Variants in ANK1 observed in about 807,000 individuals in gnomAD.
ANK1 encodes the protein ankyrin-1.
A neutral mutation model predicts 210.4 loss-of-function variants in ANK1; 51 were observed. The observed-to-expected ratio is 0.24, with a 90% CI of 0.19 to 0.31. The LOEUF (loss-of-function observed/expected upper bound fraction) is 0.31. Ranked by LOEUF, ANK1 falls within the 10% of genes least tolerant of loss-of-function variation. The probability of loss-of-function intolerance (pLI) is 1.00; values close to 1 mark genes in which losing one functional copy is unlikely to be tolerated. For synonymous variants in ANK1, 967 were observed against 1,025.9 expected, an observed-to-expected ratio of 0.94 and a Z score of 1.10; for missense variants, 2,051 against 2,504.4, an observed-to-expected ratio of 0.82 and a Z score of 3.86.
At chr8:41,838,508 G>A (rs1587336445) in intron 1 of ANK1, among the ~76,000 whole-genome samples, 1 of 152,336 alleles carries the variant, frequency 6.6e-6, no homozygotes, top group Non-Finnish European at 1.5e-5. Context: ...GCTCACGTCT[G>A]TAATTGCAGC....
intron 2 of ANK1, among the ~76,000 whole-genome samples, chr8:41,745,445 A>C (rs1835870489): frequency 6.6e-6 from 1 of 152,224 alleles, no homozygotes; most frequent in African/African-American, 2.4e-5. Context: ...GGGCGTAGAT[A>C]ATGCAGACAC....
intron 1 of ANK1, among the ~76,000 whole-genome samples, chr8:41,884,216 C>T (rs570351810): frequency 7.2e-4 from 110 of 152,196 alleles, no homozygotes; most frequent in African/African-American, 2.6e-3. Context: ...GGCATGGTGG[C>T]ATGTGCCTGT....
chr8:41,886,113 GTCT>G (rs1818396650), intron 1 of ANK1, among the ~76,000 whole-genome samples: 1 of 152,194 alleles, frequency 6.6e-6, no homozygotes, highest in Non-Finnish European at 1.5e-5. Flanking sequence ...CATTTTTTAA[GTCT>G]TCATCTATTT....
At chr8:41,723,447 A>G in intron 8 of ANK1, 88 bp downstream of exon 8, 5 of 1,466,526 alleles carry the variant, frequency 3.4e-6, no homozygotes, top group South Asian at 1.1e-5. Flanking sequence ...ATCCCTAACT[A>G]GGTCACCAAG....
At chr8:41,891,145 G>A (rs1587650242) in intron 1 of ANK1, among the ~76,000 whole-genome samples, 1 of 152,166 alleles carries the variant, frequency 6.6e-6, no homozygotes, top group East Asian at 1.9e-4. Context: ...TCAATAACAG[G>A]ATCACCTATT....
chr8:41,734,827 C>T (rs1833042256), intron 2 of ANK1, among the ~76,000 whole-genome samples: 1 of 151,938 alleles, frequency 6.6e-6, no homozygotes, highest in Admixed American at 6.6e-5. Flanking sequence ...CACCTGAGCC[C>T]AGGAGTTTGA....
rs182428196 is a variant in ANK1 at position 41,743,545 on chromosome 8, G to A, written c.130-9476C>T. Among the ~76,000 whole-genome samples the A allele has an allele frequency of 3.7e-3, 569 of 152,286 alleles. 2 individuals carry two copies. Among genetic ancestry groups the A allele is most frequent in the Non-Finnish European group, 6.6e-3 (447 of 68,034 alleles). On this transcript the variant is annotated intron_variant, in intron 2 of 42. Coordinates refer to ENST00000289734, the MANE Select transcript of ANK1 (RefSeq NM_000037.4). ...CCCAGCTGGAGATGTCGGCCTTAGA[G>A]GGCAGTGAACAGGGAGGTGCCCTGC...
intron 1 of ANK1, among the ~76,000 whole-genome samples, chr8:41,765,349 C>T (rs1284249297): frequency 6.6e-6 from 1 of 151,884 alleles, no homozygotes; most frequent in African/African-American, 2.4e-5. Flanking sequence ...AGAGATCCTC[C>T]TGCGTCAACA....
At chr8:41,773,962 AAG>A (rs1313276740) in intron 1 of ANK1, among the ~76,000 whole-genome samples, 3 of 152,240 alleles carry the variant, frequency 2.0e-5, no homozygotes, top group Non-Finnish European at 4.4e-5. Context: ...TAACCAGATG[AAG>A]CGAACAGAAT....
intron 1 of ANK1, among the ~76,000 whole-genome samples, chr8:41,761,439 A>C (rs1488680215): frequency 1.3e-5 from 2 of 152,344 alleles, no homozygotes; most frequent in African/African-American, 4.8e-5. Context: ...ATGTGAAGAC[A>C]GAGCCAGAGA....
At chr8:41,864,163 T>A (rs894585309) in intron 1 of ANK1, among the ~76,000 whole-genome samples, 54 of 146,470 alleles carry the variant, frequency 3.7e-4, no homozygotes, top group Non-Finnish European at 4.0e-4. Flanking sequence ...GGCAGAAGAA[T>A]GGCATGAACC....
intron 37 of ANK1, among the ~76,000 whole-genome samples, chr8:41,676,226 C>T (rs935223924): frequency 9.9e-5 from 15 of 152,272 alleles, no homozygotes; most frequent in Non-Finnish European, 2.1e-4. Flanking sequence ...AGTTCCAGTT[C>T]CCCCATATCC....
At chr8:41,658,327 T>C (rs1334834143) in intron 42 of ANK1, among the ~76,000 whole-genome samples, 2 of 152,250 alleles carry the variant, frequency 1.3e-5, no homozygotes, top group Non-Finnish European at 2.9e-5. Context: ...CTGCAATTGT[T>C]TGAGTCCCAG....
intron 1 of ANK1, among the ~76,000 whole-genome samples, chr8:41,860,567 C>T (rs550640602): frequency 6.6e-6 from 1 of 152,194 alleles, no homozygotes; most frequent in Non-Finnish European, 1.5e-5. Flanking sequence ...TACTTAACCT[C>T]TCTGAACCTC....
At chr8:41,886,051 C>T (rs1458833179) in intron 1 of ANK1, among the ~76,000 whole-genome samples, 2 of 152,186 alleles carry the variant, frequency 1.3e-5, no homozygotes, top group Non-Finnish European at 2.9e-5. Flanking sequence ...TGGGACAGGA[C>T]GTTCATCTTT....
intron 1 of ANK1, among the ~76,000 whole-genome samples, chr8:41,787,064 A>G (rs1201554124): frequency 2.6e-5 from 4 of 152,146 alleles, no homozygotes; most frequent in African/African-American, 9.7e-5. Context: ...AGACGTCCCA[A>G]AGCACAGAGG....
Position 41,672,676 on chromosome 8 carries a change from C to T in ANK1, c.4774G>A (p.Asp1592Asn), listed in dbSNP as rs1457291305. ...CACTCGTGACCTGTGGCATCAGAGT[C>T]CTCAGCCTTGCTACACTCCAGAGAG... Reference protein sequence around the residue: ...DSSLECSKAEDSDATGHEWKL... With the variant: ...DSSLECSKAENSDATGHEWKL... Residue 1592 changes from aspartate (D) to asparagine (N), a missense_variant, in exon 38 of 43, where the codon GAC becomes AAC. Transcript: ENST00000289734. 2.0e-5 allele frequency: 32 copies of T among 1,614,074 alleles called. No homozygotes were observed. Among genetic ancestry groups the T allele is most frequent in the Non-Finnish European group, 2.5e-5 (30 of 1,180,020 alleles).
At chr8:41,678,129 A>G (rs1036986162) in intron 37 of ANK1, among the ~76,000 whole-genome samples, 2 of 151,498 alleles carry the variant, frequency 1.3e-5, no homozygotes, top group Admixed American at 6.6e-5. Context: ...GTTTCTGTCC[A>G]TATTTCTTTT....
chr8:41,712,073 C>T (rs867275559), intron 16 of ANK1, among the ~76,000 whole-genome samples: 5 of 152,038 alleles, frequency 3.3e-5, no homozygotes, highest in African/African-American at 4.8e-5. Flanking sequence ...TACAGGTGCA[C>T]GCTGCCATGC....
Sources: allele counts gnomAD v4.1 joint callset (sites outside exome capture counted in the v4.1 genomes callset), GRCh38; gene constraint gnomAD v4.1.1; transcripts MANE v1.5; gene names NCBI Gene and HGNC (gene_info 2026-07-23, HGNC 2026-07-21).